Variants in KCNH7 observed in about 807,000 individuals in gnomAD.
The protein encoded by KCNH7 is potassium voltage-gated channel subfamily H member 7.
A neutral mutation model predicts 120.8 loss-of-function variants in KCNH7; 49 were observed. The observed-to-expected ratio is 0.41, with a 90% CI of 0.32 to 0.51. The LOEUF (loss-of-function observed/expected upper bound fraction) is 0.51, where lower values mean the gene tolerates loss of function less well. Among genes scored for constraint, KCNH7 ranks in the 20% least tolerant of loss-of-function variants. The probability of loss-of-function intolerance (pLI) is 0.38; values close to 1 mark genes in which losing one functional copy is unlikely to be tolerated. For synonymous variants in KCNH7, 547 were observed against 516.1 expected, an observed-to-expected ratio of 1.06 and a Z score of -0.81; for missense variants, 1,097 against 1,446.6, an observed-to-expected ratio of 0.76 and a Z score of 3.92.
At chr2:162,675,217 G>T (rs1461709090) in intron 2 of KCNH7, among the ~76,000 whole-genome samples, 1 of 151,378 alleles carries the variant, frequency 6.6e-6, no homozygotes, top group Admixed American at 6.6e-5. Context: ...AATACTAAGA[G>T]ATGATCAGCA....
At chr2:162,685,072 T>C (rs901152038) in intron 2 of KCNH7, among the ~76,000 whole-genome samples, 2 of 152,076 alleles carry the variant, frequency 1.3e-5, no homozygotes, top group African/African-American at 4.8e-5. Context: ...GTGGAAACCA[T>C]CATTCTCAGC....
chr2:162,558,503 C>CCT (rs1553493184), intron 2 of KCNH7, among the ~76,000 whole-genome samples: 3 of 80,694 alleles, frequency 3.7e-5, no homozygotes, highest in Non-Finnish European at 4.9e-5. Flanking sequence ...TTCTCAATGG[C>CCT]TTTTTTTTTT....
intron 3 of KCNH7, among the ~76,000 whole-genome samples, chr2:162,530,158 A>G (rs1436458002): frequency 2.6e-5 from 4 of 151,940 alleles, no homozygotes; most frequent in African/African-American, 7.2e-5. Flanking sequence ...TTAATTCTAT[A>G]TAAAAGAAGT....
At chr2:162,700,923 CT>C (rs1238879733) in intron 2 of KCNH7, among the ~76,000 whole-genome samples, 1 of 152,180 alleles carries the variant, frequency 6.6e-6, no homozygotes, top group Admixed American at 6.6e-5. Context: ...TGGTTGCTCT[CT>C]TTAAGGCTTT....
At chr2:162,496,167 G>T (rs1402248284) in intron 6 of KCNH7, among the ~76,000 whole-genome samples, 1 of 152,158 alleles carries the variant, frequency 6.6e-6, no homozygotes, top group African/African-American at 2.4e-5. Flanking sequence ...CTCCCTGTCA[G>T]CAGGAAGCAG....
In KCNH7 at chr2:162,379,950, G is replaced by C. The variant is rs778445847; in HGVS notation, c.3034C>G (p.Leu1012Val). The change falls in exon 14 of 16, where the codon CTT becomes GTT. Residue 1012 changes from leucine to valine, a missense_variant. Around this residue, in one of 8 missense-constraint regions of KCNH7, gnomAD observed 406 missense variants for 410.5 expected, o/e 0.99. Coordinates refer to ENST00000332142, the MANE Select transcript of KCNH7 (RefSeq NM_033272.4). ...GAGATACCCCAGGCAGCTCGCTGAA[G>C]TGCAGATGGACTGGAGTCTTCAGGC... Reference protein sequence around the residue: ...PQPEDSSPSALQRAAWGISET... With the variant: ...PQPEDSSPSAVQRAAWGISET... 6.2e-7 allele frequency: 1 copy of C among 1,614,072 alleles called. No homozygotes were observed. Among genetic ancestry groups the C allele is most frequent in the Non-Finnish European group, 8.5e-7 (1 of 1,179,964 alleles).
At chr2:162,808,611 A>G (rs1396305911) in intron 2 of KCNH7, among the ~76,000 whole-genome samples, 1 of 152,184 alleles carries the variant, frequency 6.6e-6, no homozygotes, top group Non-Finnish European at 1.5e-5. Context: ...AATGGAGTAC[A>G]AACTTTAAGG....
chr2:162,552,053 C>G (rs996854856), intron 2 of KCNH7, among the ~76,000 whole-genome samples: 11 of 152,092 alleles, frequency 7.2e-5, no homozygotes, highest in Non-Finnish European at 1.6e-4. Context: ...AAACAAAGGA[C>G]AGAAATTGTT....
chr2:162,675,315 C>T (rs111610658), intron 2 of KCNH7, among the ~76,000 whole-genome samples: 1,624 of 151,498 alleles, frequency 0.011, 25 homozygotes, highest in African/African-American at 0.037. Context: ...AGAAGCCAAA[C>T]AGCATCAAGC....
At chr2:162,558,567 C>G (rs1056780306) in intron 2 of KCNH7, among the ~76,000 whole-genome samples, 3 of 143,380 alleles carry the variant, frequency 2.1e-5, no homozygotes, top group Non-Finnish European at 4.5e-5. Context: ...AAATGAGAAC[C>G]TGCAGTATGT....
chr2:162,690,602 T>C (rs1686067236), intron 2 of KCNH7, among the ~76,000 whole-genome samples: 2 of 152,052 alleles, frequency 1.3e-5, no homozygotes, highest in Admixed American at 6.6e-5. Flanking sequence ...GGGTAAGGAG[T>C]ATGAGTAAGA....
intron 3 of KCNH7, among the ~76,000 whole-genome samples, chr2:162,530,136 A>C (rs1691865228): frequency 6.6e-6 from 1 of 151,908 alleles, no homozygotes; most frequent in African/African-American, 2.4e-5. Context: ...GTACTGAGAA[A>C]TGATCCACCA....
chr2:162,526,905 A>G (rs1234744566), intron 3 of KCNH7, among the ~76,000 whole-genome samples: 3 of 152,030 alleles, frequency 2.0e-5, no homozygotes, highest in Non-Finnish European at 4.4e-5. Context: ...AATCTTCACA[A>G]TTTATGTTCA....
At chr2:162,454,383 G>A (rs566758326) in intron 6 of KCNH7, among the ~76,000 whole-genome samples, 75 of 152,190 alleles carry the variant, frequency 4.9e-4, no homozygotes, top group Admixed American at 1.2e-3. Flanking sequence ...GTCAGGTAGC[G>A]TGATACCTCC....
intron 2 of KCNH7, among the ~76,000 whole-genome samples, chr2:162,650,771 T>C (rs1684537410): frequency 6.6e-6 from 1 of 152,210 alleles, no homozygotes; most frequent in Admixed American, 6.5e-5. Context: ...GCAAGGGTTG[T>C]GTATGCTTTT....
chr2:162,768,130 C>A (rs1383321976), intron 2 of KCNH7, among the ~76,000 whole-genome samples: 1 of 152,162 alleles, frequency 6.6e-6, no homozygotes, highest in African/African-American at 2.4e-5. Context: ...ATATGTCCCA[C>A]GTTTTAAATT....
chr2:162,479,776 C>T lies in KCNH7; in HGVS notation c.1128+24667G>A, dbSNP rs948982867. On this transcript the variant is annotated intron_variant, in intron 6 of 15. Transcript: ENST00000332142. ...AGCTGAAGAGAAATAATATTTTTAC[C>T]TACCCGAGGATGCCTTTGGAGAAGC... Among the ~76,000 whole-genome samples the T allele has an allele frequency of 5.3e-5, 8 of 151,584 alleles. No individual in the cohort carries two copies. The East Asian group carries it at 1.6e-3, about 29-fold the overall frequency.
chr2:162,806,572 GC>G (rs1684545063), intron 2 of KCNH7, among the ~76,000 whole-genome samples: 1 of 152,106 alleles, frequency 6.6e-6, no homozygotes, highest in Non-Finnish European at 1.5e-5. Flanking sequence ...TGGCCTTCTA[GC>G]CCTCAAATTC....
chr2:162,620,523 GTCT>G (rs1208030999), intron 2 of KCNH7, among the ~76,000 whole-genome samples: 4 of 151,988 alleles, frequency 2.6e-5, no homozygotes, highest in African/African-American at 4.8e-5. Flanking sequence ...CTCTTTAAAA[GTCT>G]TCTTCCAACA....
Sources: gnomAD v4.1 joint callset for allele counts (sites outside exome capture counted in the v4.1 genomes callset) on GRCh38, gnomAD v4.1.1 for gene constraint, gnomAD v4.1.1 regional missense constraint, MANE v1.5 for transcripts, NCBI Gene and HGNC (gene_info 2026-07-23, HGNC 2026-07-21) for gene names.